The following LRRTM4 variants were observed in gnomAD, a reference collection of about 807,000 sequenced individuals.
LRRTM4 encodes leucine-rich repeat transmembrane neuronal protein 4.
Under a neutral mutation model 47.6 loss-of-function variants are expected in LRRTM4, and 25 were observed. The ratio of observed to expected loss-of-function variants is 0.53; its 90% CI spans 0.38 to 0.73. The LOEUF (loss-of-function observed/expected upper bound fraction) is 0.73, where lower values mean the gene tolerates loss of function less well. Ranked by LOEUF, LRRTM4 falls within the 30% of genes least tolerant of loss-of-function variation. The probability of loss-of-function intolerance (pLI) is 0.00; values close to 1 mark genes in which losing one functional copy is unlikely to be tolerated. For missense variants in LRRTM4, 638 were observed against 713.4 expected (o/e 0.89, Z 1.20); for synonymous variants, 311 against 269.5 (o/e 1.15, Z -1.51).
At chr2:76,858,503 A>G (rs1056330139) in intron 3 of LRRTM4, among the ~76,000 whole-genome samples, 2 of 151,956 alleles carry the variant, frequency 1.3e-5, no homozygotes, top group African/African-American at 4.8e-5. Context: ...CTCGGGGAGG[A>G]GTGGGGCTAT....
chr2:77,178,068 C>T (rs1313526781), intron 3 of LRRTM4, among the ~76,000 whole-genome samples: 1 of 152,192 alleles, frequency 6.6e-6, no homozygotes, highest in East Asian at 1.9e-4. Flanking sequence ...GCCTGACATA[C>T]AGCAAGTGCT....
intron 3 of LRRTM4, among the ~76,000 whole-genome samples, chr2:77,217,420 TG>T (rs1674482400): frequency 1.1e-5 from 1 of 87,934 alleles, no homozygotes; most frequent in South Asian, 3.7e-4. Context: ...ATTAATGATT[TG>T]GGCTATATCT....
At chr2:77,457,632 A>G (rs1338651039) in intron 3 of LRRTM4, among the ~76,000 whole-genome samples, 2 of 152,146 alleles carry the variant, frequency 1.3e-5, no homozygotes, top group East Asian at 1.9e-4. Context: ...GTACTATAAA[A>G]CATAATGTAA....
At chr2:76,775,917 C>T (rs1323491420) in intron 3 of LRRTM4, among the ~76,000 whole-genome samples, 5 of 151,188 alleles carry the variant, frequency 3.3e-5, no homozygotes, top group African/African-American at 7.3e-5. Context: ...CTCCCCCCAC[C>T]CCACAACAGT....
At chr2:77,178,447 G>C (rs757995566) in intron 3 of LRRTM4, among the ~76,000 whole-genome samples, 1 of 152,038 alleles carries the variant, frequency 6.6e-6, no homozygotes, top group African/African-American at 2.4e-5. Context: ...TTAGCCAGGC[G>C]TGGTGGCGCG....
In LRRTM4 at chr2:76,826,576, C is replaced by G. The variant is rs550427347; in HGVS notation, c.1552-77660G>C. ...GCAAAGAGTGGATTTTGAAATTTAT[C>G]TGTAAGTGACAGGATAGCTAAAAAG... On this transcript the variant is annotated intron_variant, in intron 3 of 3. Coordinates refer to ENST00000409884, the MANE Select transcript of LRRTM4 (RefSeq NM_001134745.3). 3.3e-5 allele frequency among the ~76,000 whole-genome samples: 5 copies of G among 151,730 alleles called. No individual in the cohort carries two copies. The South Asian group carries it at 1.0e-3, about 31-fold the overall frequency.
At chr2:76,811,331 A>C (rs6547100) in intron 3 of LRRTM4, among the ~76,000 whole-genome samples, 1 of 151,954 alleles carries the variant, frequency 6.6e-6, no homozygotes, top group East Asian at 1.9e-4. Flanking sequence ...TTATCCAATT[A>C]TGTAGTTGCT....
At chr2:76,817,703 A>G (rs1012608708) in intron 3 of LRRTM4, among the ~76,000 whole-genome samples, 9 of 151,966 alleles carry the variant, frequency 5.9e-5, no homozygotes, top group Non-Finnish European at 8.8e-5. Flanking sequence ...ACTGCCTTGG[A>G]AAACTTCCTT....
At chr2:77,329,001 A>G (rs1670876090) in intron 3 of LRRTM4, among the ~76,000 whole-genome samples, 1 of 152,158 alleles carries the variant, frequency 6.6e-6, no homozygotes, top group South Asian at 2.1e-4. Flanking sequence ...TCTGTAAAAT[A>G]TAAGGAATAG....
rs1252989333 is a variant in LRRTM4 at position 77,163,579 on chromosome 2, AG to A, written c.1551+354738del. ...AAATGTTAAGGGCAGCCAGAGAAAA[AG>A]TTTGGGTTACCCATAAAAGGAAGCC... is the stretch of plus-strand genomic sequence containing the variant. On this transcript the variant is annotated intron_variant, in intron 3 of 3. Coordinates refer to ENST00000409884, the MANE Select transcript of LRRTM4 (RefSeq NM_001134745.3). 2.0e-5 allele frequency among the ~76,000 whole-genome samples: 3 copies of A among 152,200 alleles called. No individual in the cohort carries two copies. In the South Asian group the frequency reaches 6.2e-4, roughly 32 times the overall value.
In LRRTM4 at chr2:77,257,244, G is replaced by C. The variant is rs79770097; in HGVS notation, c.1551+261074C>G. 4.6e-5 allele frequency among the ~76,000 whole-genome samples: 7 copies of C among 151,970 alleles called. No homozygotes were observed. In the East Asian group the frequency reaches 1.4e-3, roughly 29 times the overall value. On this transcript the variant is annotated intron_variant, in intron 3 of 3. Coordinates refer to ENST00000409884, the MANE Select transcript of LRRTM4 (RefSeq NM_001134745.3). ...TTCCTAAGTCTGGGAATAAGGCAAG[G>C]CTATCCACTCTGACCACTGCTATTC...
intron 3 of LRRTM4, among the ~76,000 whole-genome samples, chr2:76,888,048 CAT>C (rs34184917): frequency 0.037 from 5,535 of 149,734 alleles, 145 homozygotes; most frequent in Non-Finnish European, 0.058. Context: ...TGTATATATA[CAT>C]ATATGTGTGT....
chr2:76,754,732 A>T (rs1672967960), intron 3 of LRRTM4, among the ~76,000 whole-genome samples: 1 of 152,124 alleles, frequency 6.6e-6, no homozygotes, highest in Admixed American at 6.5e-5. Flanking sequence ...TGGCCTTGTA[A>T]CTTCTCTTGA....
At chr2:77,221,155 T>C (rs1361122153) in intron 3 of LRRTM4, among the ~76,000 whole-genome samples, 1 of 152,126 alleles carries the variant, frequency 6.6e-6, no homozygotes, top group South Asian at 2.1e-4. Flanking sequence ...AAGCAAATGC[T>C]GAGATATTTT....
At chr2:77,154,885 A>C (rs1672517296) in intron 3 of LRRTM4, among the ~76,000 whole-genome samples, 1 of 152,104 alleles carries the variant, frequency 6.6e-6, no homozygotes, top group Non-Finnish European at 1.5e-5. Context: ...TAAGCACTCT[A>C]ACTCTGTTTC....
chr2:76,936,318 C>T (rs922299936), intron 3 of LRRTM4, among the ~76,000 whole-genome samples: 5 of 151,854 alleles, frequency 3.3e-5, no homozygotes, highest in African/African-American at 7.3e-5. Context: ...AACCATCATT[C>T]TCAGCAAACT....
At chr2:77,368,720 A>T (rs1672546824) in intron 3 of LRRTM4, among the ~76,000 whole-genome samples, 1 of 151,806 alleles carries the variant, frequency 6.6e-6, no homozygotes, top group African/African-American at 2.4e-5. Flanking sequence ...GTCTTACTCC[A>T]TTGTGGTCCA....
chr2:77,401,656 T>C (rs933655421), intron 3 of LRRTM4, among the ~76,000 whole-genome samples: 1 of 151,930 alleles, frequency 6.6e-6, no homozygotes, highest in Non-Finnish European at 1.5e-5. Context: ...TTACTTCAAA[T>C]AGCTACCGCC....
chr2:77,280,945 C>G (rs1396794837), intron 3 of LRRTM4, among the ~76,000 whole-genome samples: 1 of 151,790 alleles, frequency 6.6e-6, no homozygotes. Context: ...TAAATCCATC[C>G]CCTGTCTGTA....
Sources: allele counts gnomAD v4.1 joint callset (sites outside exome capture counted in the v4.1 genomes callset), GRCh38; gene constraint gnomAD v4.1.1; transcripts MANE v1.5; gene names NCBI Gene and HGNC (gene_info 2026-07-23, HGNC 2026-07-21).